PAN3: variants seen among roughly 807,000 people sequenced by gnomAD.
PAN3 encodes the protein poly(A) specific ribonuclease subunit PAN3.
A neutral mutation model predicts 96.2 loss-of-function variants in PAN3; 19 were observed. The observed-to-expected ratio is 0.20, with a 90% CI of 0.14 to 0.29. PAN3 has a LOEUF of 0.29. PAN3 is among the 10% of genes least tolerant of loss of function. The probability of loss-of-function intolerance (pLI) is 1.00; values close to 1 mark genes in which losing one functional copy is unlikely to be tolerated. For synonymous variants in PAN3, 433 were observed against 406.6 expected, an observed-to-expected ratio of 1.06 and a Z score of -0.78; for missense variants, 882 against 1,108.1, an observed-to-expected ratio of 0.80 and a Z score of 2.90.
chr13:28,274,159 T>C (rs1054886), intron 14 of PAN3, among the ~76,000 whole-genome samples: 1 of 152,048 alleles, frequency 6.6e-6, no homozygotes, highest in Non-Finnish European at 1.5e-5. Context: ...GGGAGGAATA[T>C]GATTAGTTCT....
intron 1 of PAN3, among the ~76,000 whole-genome samples, chr13:28,152,456 C>T (rs1481546906): frequency 1.3e-5 from 2 of 152,000 alleles, no homozygotes; most frequent in Non-Finnish European, 2.9e-5. Flanking sequence ...TGATGGTGGG[C>T]GCCTGTAATC....
At chr13:28,212,181 T>A (rs1381201713) in intron 5 of PAN3, among the ~76,000 whole-genome samples, 2 of 152,164 alleles carry the variant, frequency 1.3e-5, no homozygotes, top group Non-Finnish European at 2.9e-5. Flanking sequence ...CCAGGAGTAG[T>A]TCCTGTTCTC....
At chr13:28,268,093 G>T (rs1044132972) in intron 12 of PAN3, among the ~76,000 whole-genome samples, 3 of 152,242 alleles carry the variant, frequency 2.0e-5, no homozygotes, top group Middle Eastern at 3.4e-3. Flanking sequence ...TAATAAAGGT[G>T]ACTTGGAAAA....
intron 5 of PAN3, among the ~76,000 whole-genome samples, chr13:28,198,563 A>G (rs574913529): frequency 1.3e-5 from 2 of 152,348 alleles, no homozygotes; most frequent in Non-Finnish European, 2.9e-5. Flanking sequence ...TCTATATAAT[A>G]TTTTGAAGTA....
chr13:28,292,879 G>A lies in PAN3; in HGVS notation c.*357G>A, dbSNP rs912768546. On this transcript the variant is annotated 3_prime_UTR_variant, in exon 19 of 19. Transcript: ENST00000380958. ...TTGCCACATTGTATACTTATAATGG[G>A]AAACTTTGCAAGGACATTTTTGGGA... The A allele has an allele frequency of 6.4e-6, 1 of 156,304 alleles. No individual in the cohort carries two copies. The highest frequency in any genetic ancestry group is 1.4e-5 in the Non-Finnish European group (1 of 70,644). The allele number at this position is 156,304 out of a possible 1,614,324, so 9.7% of individuals were successfully genotyped here. A position where few individuals can be genotyped will look rare whatever the true frequency, so the allele number is the denominator to read the frequency against.
chr13:28,215,084 T>A, intron 5 of PAN3: 1 of 903,754 alleles, frequency 1.1e-6, no homozygotes, highest in Non-Finnish European at 1.8e-6. Context: ...CAGTAGCATT[T>A]GTGCCATTTG....
At chr13:28,271,239 T>G (rs1317560396) in intron 13 of PAN3, among the ~76,000 whole-genome samples, 2 of 152,204 alleles carry the variant, frequency 1.3e-5, no homozygotes, top group East Asian at 3.8e-4. Flanking sequence ...AGATTTTCAT[T>G]CATAAGTCTG....
chr13:28,247,816 C>A (rs550283729), intron 6 of PAN3, among the ~76,000 whole-genome samples: 1 of 152,052 alleles, frequency 6.6e-6, no homozygotes, highest in East Asian at 1.9e-4. Flanking sequence ...CATACTGTTT[C>A]GGTTACTGTG....
At chr13:28,192,952 T>C (rs533506733) in intron 4 of PAN3, among the ~76,000 whole-genome samples, 4 of 152,362 alleles carry the variant, frequency 2.6e-5, no homozygotes, top group Non-Finnish European at 4.4e-5. Flanking sequence ...TTGTCGCTTA[T>C]AATGGTACCT....
intron 6 of PAN3, among the ~76,000 whole-genome samples, chr13:28,247,773 C>T (rs530771635): frequency 2.6e-5 from 4 of 152,222 alleles, no homozygotes; most frequent in Admixed American, 2.6e-4. Flanking sequence ...TGTTCTGTTC[C>T]ATTGGTCTGT....
chr13:28,182,023 C>T (rs988857099), intron 4 of PAN3, among the ~76,000 whole-genome samples: 4 of 152,112 alleles, frequency 2.6e-5, no homozygotes, highest in Non-Finnish European at 5.9e-5. Flanking sequence ...TTAAATTTGA[C>T]CACTGTTATG....
At chr13:28,286,224 A>G (rs955675945) in intron 17 of PAN3, among the ~76,000 whole-genome samples, 1 of 152,196 alleles carries the variant, frequency 6.6e-6, no homozygotes. Context: ...TCTGTGGTAT[A>G]AGCCTGACAG....
At chr13:28,233,558 T>G (rs1000442411) in intron 6 of PAN3, among the ~76,000 whole-genome samples, 3 of 152,172 alleles carry the variant, frequency 2.0e-5, no homozygotes, top group Non-Finnish European at 4.4e-5. Context: ...TGAGCCACCA[T>G]GACCGGCCTG....
intron 1 of PAN3, among the ~76,000 whole-genome samples, chr13:28,164,065 C>G (rs1873228508): frequency 1.3e-5 from 2 of 152,230 alleles, no homozygotes; most frequent in Middle Eastern, 6.8e-3. Flanking sequence ...TGCACTCCAG[C>G]CTGGGCAACA....
At chr13:28,230,507 T>C (rs1489552131) in intron 6 of PAN3, among the ~76,000 whole-genome samples, 1 of 152,040 alleles carries the variant, frequency 6.6e-6, no homozygotes, top group Non-Finnish European at 1.5e-5. Flanking sequence ...TTTTAAATTG[T>C]TACAAAAAAA....
intron 4 of PAN3, among the ~76,000 whole-genome samples, chr13:28,181,172 G>GC (rs907826606): frequency 3.9e-5 from 6 of 152,212 alleles, no homozygotes; most frequent in African/African-American, 1.4e-4. Flanking sequence ...TACGGCTGAG[G>GC]CCCCTTAGTA....
chr13:28,266,186 A>G (rs1274318353), intron 9 of PAN3, among the ~76,000 whole-genome samples: 1 of 152,146 alleles, frequency 6.6e-6, no homozygotes, highest in Non-Finnish European at 1.5e-5. Context: ...ACCATCTGCT[A>G]TATTTTCTTC....
At position 28,260,539 on chromosome 13, in the gene PAN3, T is replaced by C; in HGVS notation, c.1341T>C (p.Asp447=). ...KANAPSFFMA[D]ELRQELINRH... ...ACGCACCTTCCTTCTTCATGGCTGATGAACTCCGACAGGTATGCTTTCAGA... is the reference window on the plus strand; with the variant it reads ...ACGCACCTTCCTTCTTCATGGCTGACGAACTCCGACAGGTATGCTTTCAGA... The change falls in exon 8 of 19, where the codon GAT becomes GAC. Residue 447 remains aspartate, a synonymous_variant. Transcript: ENST00000380958. 6.2e-7 allele frequency: 1 copy of C among 1,609,794 alleles called. No homozygotes were observed. Among genetic ancestry groups the C allele is most frequent in the Non-Finnish European group, 8.5e-7 (1 of 1,176,114 alleles).
intron 7 of PAN3, among the ~76,000 whole-genome samples, chr13:28,258,310 G>A (rs993858542): frequency 6.6e-6 from 1 of 152,120 alleles, no homozygotes; most frequent in Non-Finnish European, 1.5e-5. Context: ...AGGTTTCATT[G>A]TTTAAAATGA....
Sources: allele counts gnomAD v4.1 joint callset (sites outside exome capture counted in the v4.1 genomes callset), GRCh38; gene constraint gnomAD v4.1.1; transcripts MANE v1.5; gene names NCBI Gene and HGNC (gene_info 2026-07-23, HGNC 2026-07-21).